HMCN2: variants seen among roughly 807,000 people sequenced by gnomAD.
The protein encoded by HMCN2 is hemicentin-2.
HMCN2 carries 325 observed loss-of-function variants against 377.5 expected under a neutral mutation model. The ratio of observed to expected loss-of-function variants is 0.86; its 90% CI spans 0.79 to 0.94. The LOEUF (loss-of-function observed/expected upper bound fraction) is 0.94, where lower values mean the gene tolerates loss of function less well. Among genes scored for constraint, HMCN2 ranks in the 40% least tolerant of loss-of-function variants. The pLI, the probability that HMCN2 is intolerant of heterozygous loss-of-function variation, is 0.00. For synonymous variants in HMCN2, 2,007 were observed against 2,046.8 expected (o/e 0.98, Z 0.53); for missense variants, 4,543 against 4,725.3 (o/e 0.96, Z 1.13).
rs569118646 is a variant in HMCN2 at position 130,398,817 on chromosome 9, C to G, written c.11483+110C>G. 4.1e-6 allele frequency: 4 copies of G among 973,474 alleles called. No homozygotes were observed. The African/African-American group carries it at 5.1e-5, about 12-fold the overall frequency. 60.3% of individuals were successfully genotyped at this position (973,474 alleles called of 1,614,324 possible). Reference sequence around the variant, plus strand: ...GGGGCGGGGTGTGCTCAGGTCTCACCGGAGTCAGGACCAGAACTTGTGTCT... The same window carrying G: ...GGGGCGGGGTGTGCTCAGGTCTCACGGGAGTCAGGACCAGAACTTGTGTCT... On this transcript the variant is annotated intron_variant, in intron 75 of 97. Coordinates refer to ENST00000683500, the MANE Select transcript of HMCN2 (RefSeq NM_001291815.2).
intron 8 of HMCN2, among the ~76,000 whole-genome samples, 184 bp from the exon 9 acceptor site, chr9:130,302,673 C>T (rs571501033): frequency 6.6e-6 from 1 of 152,298 alleles, no homozygotes; most frequent in South Asian, 2.1e-4. Flanking sequence ...GACAACAGGA[C>T]GAGGATGGTA....
chr9:130,365,476 C>T (rs1840644266), intron 41 of HMCN2, among the ~76,000 whole-genome samples, 155 bp from the exon 42 acceptor site: 1 of 152,238 alleles, frequency 6.6e-6, no homozygotes, highest in South Asian at 2.1e-4. Context: ...CTTCCCGGTG[C>T]AGCTGGTGGG....
In HMCN2 at chr9:130,407,705, G is replaced by T. The variant is rs1349431739; in HGVS notation, c.12688G>T (p.Glu4230Ter). Reference sequence around the variant, plus strand: ...GGCGGTCAGCTTCGTCCACGTGAAGGGTAGGGCACATTCCCCAGGTGGCTT... The same window carrying T: ...GGCGGTCAGCTTCGTCCACGTGAAGTGTAGGGCACATTCCCCAGGTGGCTT... ...TQAVSFVHVK[E>*]APVLQGEAFS... Residue 4230 changes from glutamate (E) to a stop codon, truncating the protein, a stop_gained and splice_region_variant, in exon 83 of 98, where the codon GAG becomes TAG. Transcript: ENST00000683500. LOFTEE classifies it high-confidence loss of function. 8.2e-7 allele frequency: 1 copy of T among 1,225,018 alleles called. No individual in the cohort carries two copies. Among genetic ancestry groups the T allele is most frequent in the Non-Finnish European group, 1.0e-6 (1 of 953,796 alleles). 75.9% of individuals were successfully genotyped at this position (1,225,018 alleles called of 1,614,324 possible). A position where few individuals can be genotyped will look rare whatever the true frequency, so the allele number is the denominator to read the frequency against.
Position 130,429,631 on chromosome 9 carries a change from C to A in HMCN2, c.14272C>A (p.Arg4758Ser). ...CTGCGAGAACACCCCAGGCGGTCAC[C>A]GCTGCAGCTGCCCCAGGGGTTACCG... ...QLCENTPGGH[R>S]CSCPRGYRMQ... The change falls in exon 94 of 98, where the codon CGC (arginine) becomes AGC (serine). Residue 4758 changes from arginine (R) to serine (S), a missense_variant. By Grantham distance (110) the Arg-to-Ser change is moderately radical. Around this residue, in one of 5 missense-constraint regions of HMCN2, gnomAD observed 1,155 missense variants for 1,157.7 expected, o/e 1.00. Coordinates refer to ENST00000683500, the MANE Select transcript of HMCN2 (RefSeq NM_001291815.2). 6.5e-7 allele frequency: 1 copy of A among 1,549,158 alleles called. No individual in the cohort carries two copies. Among genetic ancestry groups the A allele is most frequent in the African/African-American group, 1.4e-5 (1 of 73,036 alleles).
intron 85 of HMCN2, among the ~76,000 whole-genome samples, chr9:130,412,201 A>G (rs556908993): frequency 6.6e-6 from 1 of 152,238 alleles, no homozygotes; most frequent in African/African-American, 2.4e-5. Flanking sequence ...TGAACTTCTG[A>G]CCTCAGGTGA....
chr9:130,418,810 G>A lies in HMCN2; in HGVS notation c.13000G>A (p.Val4334Met). ...CCAGGTGGAGCCCCAGGACATGACAGTGAGATCTGGGGATGACGTGGCCCT... is the reference window on the plus strand; with the variant it reads ...CCAGGTGGAGCCCCAGGACATGACAATGAGATCTGGGGATGACGTGGCCCT... Reference protein sequence around the residue: ...VFQVEPQDMTVRSGDDVALRC... With the variant: ...VFQVEPQDMTMRSGDDVALRC... Residue 4334 changes from valine to methionine, a missense_variant, in exon 86 of 98, where the codon GTG (valine) becomes ATG (methionine). Coordinates refer to ENST00000683500, the MANE Select transcript of HMCN2 (RefSeq NM_001291815.2). The A allele has an allele frequency of 1.3e-6, 2 of 1,501,552 alleles. No homozygotes were observed. The highest frequency in any genetic ancestry group is 1.8e-6 in the Non-Finnish European group (2 of 1,117,914). 93.0% of individuals were successfully genotyped at this position (1,501,552 alleles called of 1,614,324 possible).
intron 15 of HMCN2, among the ~76,000 whole-genome samples, chr9:130,319,232 TCCCTC>T (rs1433876392): frequency 6.6e-6 from 1 of 151,818 alleles, no homozygotes; most frequent in Non-Finnish European, 1.5e-5. Context: ...GGCATGCTGC[TCCCTC>T]CCCTGCACCT....
In HMCN2 at chr9:130,286,256, C is replaced by T. The variant is rs781815471; in HGVS notation, c.558C>T (p.Ile186=). ...CTGGCTACCTGGCTTATGAGGAGAT[C>T]GCTGCCACCAGCTCTGGGCAGGTGT... is the stretch of plus-strand genomic sequence containing the variant. ...THPGYLAYEE[I]AATSSGQVFH... is the part of the protein sequence containing the mutation. Residue 186 remains isoleucine (I), a synonymous_variant, in exon 4 of 98, where the codon ATC becomes ATT. Transcript: ENST00000683500. 3.0e-5 allele frequency: 14 copies of T among 470,982 alleles called. No individual in the cohort carries two copies. The highest frequency in any genetic ancestry group is 7.7e-5 in the South Asian group (5 of 64,556). The allele number at this position is 470,982 out of a possible 1,614,324, so 29.2% of individuals were successfully genotyped here.
At chr9:130,432,313 A>G in intron 96 of HMCN2, 116 bp from the exon 97 acceptor site, 1 of 922,768 alleles carries the variant, frequency 1.1e-6, no homozygotes. Flanking sequence ...GGACAAAGGG[A>G]GAAGGGCTGC....
chr9:130,301,232 G>A (rs782805484), intron 8 of HMCN2, among the ~76,000 whole-genome samples: 9 of 152,222 alleles, frequency 5.9e-5, no homozygotes, highest in Non-Finnish European at 1.3e-4. Context: ...CTGTGGTTCC[G>A]GGGCCTCTCT....
At chr9:130,301,577 G>A (rs1836515962) in intron 8 of HMCN2, among the ~76,000 whole-genome samples, 1 of 152,236 alleles carries the variant, frequency 6.6e-6, no homozygotes, top group Non-Finnish European at 1.5e-5. Flanking sequence ...CTCCCAGGGT[G>A]CGTGGGTGAG....
chr9:130,380,312 G>A (rs1444998819), intron 54 of HMCN2, among the ~76,000 whole-genome samples: 3 of 152,246 alleles, frequency 2.0e-5, no homozygotes, highest in East Asian at 1.9e-4. Context: ...CAGGGGTGGG[G>A]CTTAGAAATG....
intron 26 of HMCN2, 70 bp from the exon 27 acceptor site, chr9:130,348,475 A>G: frequency 7.8e-7 from 1 of 1,275,496 alleles, no homozygotes. Context: ...GGAATGGCCC[A>G]GATGAGGTCC....
chr9:130,433,338 C>G lies in HMCN2; in HGVS notation c.14895-10C>G. Reference sequence around the variant, plus strand: ...GAGTCCGCCTGTCCGTGTGTCTGTGCCGCCCGCAGGACGTGCTTCCGGCGC... The same window carrying G: ...GAGTCCGCCTGTCCGTGTGTCTGTGGCGCCCGCAGGACGTGCTTCCGGCGC... On this transcript the variant is annotated splice_polypyrimidine_tract_variant and intron_variant, in intron 97 of 97. Coordinates refer to ENST00000683500, the MANE Select transcript of HMCN2 (RefSeq NM_001291815.2). The G allele has an allele frequency of 7.0e-7, 1 of 1,434,764 alleles. No homozygotes were observed. The highest frequency in any genetic ancestry group is 9.1e-7 in the Non-Finnish European group (1 of 1,102,090). 88.9% of individuals were successfully genotyped at this position (1,434,764 alleles called of 1,614,324 possible). A position where few individuals can be genotyped will look rare whatever the true frequency, so the allele number is the denominator to read the frequency against.
chr9:130,393,905 C>A lies in HMCN2; in HGVS notation c.10398C>A (p.Ser3466Arg). 1 of 1,289,518 alleles carries A rather than the reference C, an allele frequency of 7.8e-7. No homozygotes were observed. The highest frequency in any genetic ancestry group is 1.5e-5 in the African/African-American group (1 of 65,952). The allele number at this position is 1,289,518 out of a possible 1,614,324, so 79.9% of individuals were successfully genotyped here. Reference protein sequence around the residue: ...LLSQSLEQGPSLQLEAVGAGD... With the variant: ...LLSQSLEQGPRLQLEAVGAGD... ...CCCAGAGCCTCGAGCAGGGGCCCAG[C>A]CTGCAGCTGGAGGCAGTGGGAGCTG... Residue 3466 changes from serine to arginine, a missense_variant, in exon 68 of 98, where the codon AGC becomes AGA. Transcript: ENST00000683500. The surrounding 1 kb of genome is among the most constrained non-coding windows in gnomAD (Gnocchi z 5.2).
intron 32 of HMCN2, 34 bp from the exon 33 acceptor site, chr9:130,355,712 G>C: frequency 8.0e-7 from 1 of 1,247,440 alleles, no homozygotes; most frequent in Non-Finnish European, 1.1e-6. Context: ...TGGCTGCTCA[G>C]CTCCAAACAC....
intron 34 of HMCN2, among the ~76,000 whole-genome samples, chr9:130,356,475 A>G (rs1000840649): frequency 6.6e-6 from 1 of 151,268 alleles, no homozygotes; most frequent in Admixed American, 6.6e-5. Flanking sequence ...CCTAGGCCTC[A>G]CTCCTCTCCC....
chr9:130,428,517 C>T lies in HMCN2; in HGVS notation c.14197+28C>T. The T allele has an allele frequency of 6.5e-7, 1 of 1,535,678 alleles. No homozygotes were observed. The highest frequency in any genetic ancestry group is 8.7e-7 in the Non-Finnish European group (1 of 1,146,044). On this transcript the variant is annotated intron_variant, in intron 93 of 97. Transcript: ENST00000683500. This position sits in a 1 kb window ranked among gnomAD's most constrained non-coding sequence, Gnocchi z 5.0. ...GATGGGGGCACAGCATGCGGCCTGTCCATACTCCTGGAAACCCAGAGGTTG... is the reference window on the plus strand; with the variant it reads ...GATGGGGGCACAGCATGCGGCCTGTTCATACTCCTGGAAACCCAGAGGTTG...
At chr9:130,374,213 T>G (rs11243975) in intron 48 of HMCN2, among the ~76,000 whole-genome samples, 120,096 of 151,346 alleles carry the variant, frequency 0.79, 50,133 homozygotes, top group Non-Finnish European at 0.92. Context: ...ATGGATGGAT[T>G]GGTGGGTGGT....
Sources: allele counts gnomAD v4.1 joint callset (sites outside exome capture counted in the v4.1 genomes callset), GRCh38; gene constraint gnomAD v4.1.1; regional missense constraint gnomAD v4.1.1; non-coding constraint Gnocchi (gnomAD v3.1); transcripts MANE v1.5; gene names NCBI Gene and HGNC (gene_info 2026-07-23, HGNC 2026-07-21).